Variants in RAI1 observed in about 807,000 individuals in gnomAD.
The protein encoded by RAI1 is retinoic acid induced 1.
Under a neutral mutation model 123.8 loss-of-function variants are expected in RAI1, and 9 were observed. The ratio of observed to expected loss-of-function variants is 0.07; its 90% confidence interval spans 0.04 to 0.13. The LOEUF is 0.13. Ranked by LOEUF, RAI1 falls within the 10% of genes least tolerant of loss-of-function variation. The probability of loss-of-function intolerance (pLI) is 1.00; values close to 1 mark genes in which losing one functional copy is unlikely to be tolerated. For synonymous variants in RAI1, 1,231 were observed against 1,127.3 expected (o/e 1.09, Z -1.84); for missense variants, 2,256 against 2,545.8 (o/e 0.89, Z 2.45).
chr17:17,764,104 G>T (rs1432452485), intron 2 of RAI1, among the ~76,000 whole-genome samples: 4 of 152,240 alleles, frequency 2.6e-5, no homozygotes, highest in Non-Finnish European at 5.9e-5. Context: ...GGCTGAGGAG[G>T]ACAGGAAATA....
At chr17:17,771,897 A>C (rs1333206691) in intron 2 of RAI1, among the ~76,000 whole-genome samples, 1 of 151,926 alleles carries the variant, frequency 6.6e-6, no homozygotes, top group Non-Finnish European at 1.5e-5. Context: ...GGAATGTCAC[A>C]CTCTCTGTCC....
intron 4 of RAI1, among the ~76,000 whole-genome samples, chr17:17,808,431 T>C (rs1013112249): frequency 1.4e-5 from 2 of 146,942 alleles, no homozygotes; most frequent in Non-Finnish European, 3.0e-5. Context: ...TATTTTATTT[T>C]ATTTTATTTT....
Position 17,800,906 on chromosome 17 carries a change from G to A in RAI1, c.5565+2393G>A, listed in dbSNP as rs542908842. On this transcript the variant is annotated intron_variant, in intron 3 of 5. Coordinates refer to ENST00000353383, the MANE Select transcript of RAI1 (RefSeq NM_030665.4). This position sits in a 1 kb window ranked among gnomAD's most constrained non-coding sequence, Gnocchi z 4.7. Reference sequence around the variant, plus strand: ...GAGGGCTGGTTCCATAGCTCCAGGCGAGTCACGCATGCTCTGAGAACTCCA... The same window carrying A: ...GAGGGCTGGTTCCATAGCTCCAGGCAAGTCACGCATGCTCTGAGAACTCCA... Among the ~76,000 whole-genome samples the A allele has an allele frequency of 6.6e-5, 10 of 152,296 alleles. No homozygotes were observed. Among genetic ancestry groups the A allele is most frequent in the Middle Eastern group, 3.4e-3 (1 of 294 alleles).
chr17:17,789,938 CAGCCCAAGCCACA>C (rs1253113074), intron 2 of RAI1, among the ~76,000 whole-genome samples: 3 of 152,122 alleles, frequency 2.0e-5, no homozygotes, highest in African/African-American at 7.2e-5. Context: ...CTTCTCCCTC[CAGCCCAAGCCACA>C]GGCCAAACCC....
At chr17:17,764,689 C>G (rs1165907032) in intron 2 of RAI1, among the ~76,000 whole-genome samples, 4 of 152,148 alleles carry the variant, frequency 2.6e-5, no homozygotes, top group Non-Finnish European at 5.9e-5. Context: ...GTCCTGAACT[C>G]CTGGCCTCAA....
intron 1 of RAI1, among the ~76,000 whole-genome samples, chr17:17,699,630 G>C (rs1056490300): frequency 1.2e-4 from 10 of 82,798 alleles, no homozygotes; most frequent in African/African-American, 4.6e-4. Context: ...TCGGGGGGCC[G>C]GGGGGGGGGG....
chr17:17,743,854 C>T (rs1916720497), intron 2 of RAI1, among the ~76,000 whole-genome samples: 3 of 152,268 alleles, frequency 2.0e-5, no homozygotes, highest in East Asian at 1.9e-4. Context: ...GGGCCAAGGA[C>T]ATCTTTTAGG....
intron 1 of RAI1, among the ~76,000 whole-genome samples, chr17:17,694,018 G>A (rs539260894): frequency 6.6e-6 from 1 of 152,346 alleles, no homozygotes; most frequent in South Asian, 2.1e-4. Flanking sequence ...GGCTTAGGAG[G>A]AGAGTCACCT....
chr17:17,746,634 CTTTTTTTTTT>C (rs377692656), intron 2 of RAI1, among the ~76,000 whole-genome samples: 1 of 120,402 alleles, frequency 8.3e-6, no homozygotes, highest in Non-Finnish European at 1.7e-5. Flanking sequence ...CTTTTCTTTT[CTTTTTTTTTT>C]TTTTTTTTGA....
At chr17:17,692,159 A>G (rs1259734605) in intron 1 of RAI1, among the ~76,000 whole-genome samples, 1 of 152,114 alleles carries the variant, frequency 6.6e-6, no homozygotes, top group African/African-American at 2.4e-5. Flanking sequence ...TGCCCTGGCT[A>G]ATTAAACAAA....
chr17:17,777,507 A>G (rs143620566), intron 2 of RAI1: 9 of 152,312 alleles, frequency 5.9e-5, no homozygotes, highest in African/African-American at 2.2e-4. Context: ...TGTAGATGCA[A>G]ATGCCTAGGA....
intron 2 of RAI1, among the ~76,000 whole-genome samples, chr17:17,786,780 C>T (rs2031841050): frequency 6.6e-6 from 1 of 152,222 alleles, no homozygotes; most frequent in South Asian, 2.1e-4. Flanking sequence ...CTGTGCCTTC[C>T]CTTAGCAGCC....
rs2032409516 is a variant in RAI1, at chr17:17,800,188, CTCTCTCTCTCTCTCTCTCTCT to C, written c.5565+1676_5565+1696del. On this transcript the variant is annotated intron_variant, in intron 3 of 5. Coordinates refer to ENST00000353383, the MANE Select transcript of RAI1 (RefSeq NM_030665.4). The surrounding 1 kb of genome is among the most constrained non-coding windows in gnomAD (Gnocchi z 4.7). ...GCTTTCTGTCTCTCTCTGTCTCTCT[CTCTCTCTCTCTCTCTCTCTCT>C]CTCTCTCTCTCTCTCTCTCATTACT... is the stretch of plus-strand genomic sequence containing the variant. Among the ~76,000 whole-genome samples, 1 of 117,730 alleles carries C rather than the reference CTCTCTCTCTCTCTCTCTCTCT, an allele frequency of 8.5e-6. No homozygotes were observed. The highest frequency in any genetic ancestry group is 1.8e-5 in the Non-Finnish European group (1 of 54,248). 77.2% of individuals were successfully genotyped at this position (117,730 alleles called of 152,430 possible). A position where few individuals can be genotyped will look rare whatever the true frequency, so the allele number is the denominator to read the frequency against.
At position 17,796,105 on chromosome 17, in the gene RAI1, C is replaced by A. The variant is rs1169538648; in HGVS notation, c.3157C>A (p.Pro1053Thr). Residue 1053 changes from proline (P) to threonine (T), a missense_variant, in exon 3 of 6, where the codon CCC (proline) becomes ACC (threonine). Physicochemically the swap from Pro to Thr is conservative, Grantham distance 38 (BLOSUM62 -1). Transcript: ENST00000353383. This position sits in a 1 kb window ranked among gnomAD's most constrained non-coding sequence, Gnocchi z 5.8. ...APGRGASEGL[P>T]RMCTRSLTAL... The stretch of plus-strand genomic sequence containing the variant: ...AGGCCGGGGGGCCTCGGAAGGGCTC[C>A]CCAGGATGTGTACTCGTTCTCTCAC... 6.3e-7 allele frequency: 1 copy of A among 1,584,558 alleles called. No homozygotes were observed. The highest frequency in any genetic ancestry group is 1.8e-5 in the Admixed American group (1 of 55,718).
intron 1 of RAI1, chr17:17,684,676 A>ATG: frequency 3.1e-5 from 1 of 31,896 alleles, no homozygotes; most frequent in African/African-American, 9.9e-5. Context: ...TAATGCATAT[A>ATG]TATATATATA....
At chr17:17,780,835 A>C (rs919806847) in intron 2 of RAI1, among the ~76,000 whole-genome samples, 16 of 152,142 alleles carry the variant, frequency 1.1e-4, no homozygotes, top group Non-Finnish European at 2.2e-4. Context: ...CCCACTCTGT[A>C]ATGCTAGGCT....
At chr17:17,779,820 G>A (rs1466625429) in intron 2 of RAI1, among the ~76,000 whole-genome samples, 1 of 146,962 alleles carries the variant, frequency 6.8e-6, no homozygotes, top group Non-Finnish European at 1.5e-5. Flanking sequence ...CCTTGCCCAG[G>A]CTGGAGTGCA....
Position 17,810,729 on chromosome 17 carries a change from T to G in RAI1, c.*748T>G, listed in dbSNP as rs1282498584. On this transcript the variant is annotated 3_prime_UTR_variant, in exon 6 of 6. Coordinates refer to ENST00000353383, the MANE Select transcript of RAI1 (RefSeq NM_030665.4). The surrounding 1 kb of genome is among the most constrained non-coding windows in gnomAD (Gnocchi z 4.6). ...CCCTTTGGCCTCTGTTTGTCCCCTT[T>G]CCAGTCCTCCACCCCACCCCTGGAG... 3 of 437,570 alleles carry G rather than the reference T, an allele frequency of 6.9e-6. No individual in the cohort carries two copies. Among genetic ancestry groups the G allele is most frequent in the African/African-American group, 6.1e-5 (3 of 49,430 alleles). 27.1% of individuals were successfully genotyped at this position (437,570 alleles called of 1,614,324 possible).
chr17:17,710,076 G>A (rs1003514080), intron 1 of RAI1, among the ~76,000 whole-genome samples: 23 of 152,036 alleles, frequency 1.5e-4, no homozygotes, highest in South Asian at 2.1e-4. Context: ...GCCTAGCCCC[G>A]GCCACGCTCA....
Sources: gnomAD v4.1 joint callset for allele counts (sites outside exome capture counted in the v4.1 genomes callset) on GRCh38, gnomAD v4.1.1 for gene constraint, Gnocchi (gnomAD v3.1) non-coding constraint, MANE v1.5 for transcripts, NCBI Gene and HGNC (gene_info 2026-07-23, HGNC 2026-07-21) for gene names.